PIBF1: variants seen among roughly 807,000 people sequenced by gnomAD.
PIBF1 encodes the protein progesterone immunomodulatory binding factor 1.
PIBF1 carries 90 observed loss-of-function variants against 112.5 expected under a neutral mutation model. That is an observed-to-expected ratio of 0.80 (90% confidence interval 0.67 to 0.95). The LOEUF is 0.95. Among genes scored for constraint, PIBF1 ranks in the 40% least tolerant of loss-of-function variants. PIBF1 has a pLI of 0.00. For missense variants in PIBF1, 915 were observed against 852.3 expected, an observed-to-expected ratio of 1.07 and a Z score of -0.92; for synonymous variants, 301 against 288.6, an observed-to-expected ratio of 1.04 and a Z score of -0.44.
At chr13:72,785,497 A>G (rs1383136829) in intron 2 of PIBF1, among the ~76,000 whole-genome samples, 1 of 152,238 alleles carries the variant, frequency 6.6e-6, no homozygotes, top group African/African-American at 2.4e-5. Flanking sequence ...CATTCAGATG[A>G]AAGTGATAGA....
chr13:72,855,395 G>C (rs17089806), intron 10 of PIBF1, among the ~76,000 whole-genome samples: 1 of 151,802 alleles, frequency 6.6e-6, no homozygotes, highest in Non-Finnish European at 1.5e-5. Context: ...TCATGCTATC[G>C]GGCTAGGCAC....
At chr13:72,820,580 G>A (rs2036507461) in intron 5 of PIBF1, among the ~76,000 whole-genome samples, 1 of 152,124 alleles carries the variant, frequency 6.6e-6, no homozygotes, top group Admixed American at 6.6e-5. Flanking sequence ...GAAATTTGGG[G>A]ACTAAAATAA....
chr13:72,992,456 T>G (rs2139006670), intron 16 of PIBF1, among the ~76,000 whole-genome samples: 1 of 152,318 alleles, frequency 6.6e-6, no homozygotes, highest in South Asian at 2.1e-4. Context: ...CCTTTCTGCC[T>G]GAGAACCTTA....
At chr13:72,783,400 A>T in intron 1 of PIBF1, 23 bp from the exon 2 acceptor site, 2 of 1,026,154 alleles carry the variant, frequency 1.9e-6, no homozygotes, top group Non-Finnish European at 2.9e-6. Flanking sequence ...AGTACATTTG[A>T]ATTAATGTTT....
At chr13:72,991,604 G>T (rs182636639) in intron 16 of PIBF1, among the ~76,000 whole-genome samples, 1 of 152,182 alleles carries the variant, frequency 6.6e-6, no homozygotes, top group Non-Finnish European at 1.5e-5. Flanking sequence ...AAACGTTTCA[G>T]CTGGCCAGAT....
In PIBF1 at chr13:72,894,231, G is replaced by A. The variant is rs548965468; in HGVS notation, c.1488+282G>A. Among the ~76,000 whole-genome samples, 4 of 152,052 alleles carry A rather than the reference G, an allele frequency of 2.6e-5. No individual in the cohort carries two copies. The South Asian group carries it at 8.3e-4, about 32-fold the overall frequency. On this transcript the variant is annotated intron_variant, in intron 11 of 17. Transcript: ENST00000326291. ...AATAAGAACAGTGCAGAATGTATAC[G>A]AAGAAAACTATAGAACTTCACTGAC...
rs145486607 is a variant in PIBF1, at chr13:72,869,149, A to G, written c.1322+14994A>G. On this transcript the variant is annotated intron_variant, in intron 10 of 17. Transcript: ENST00000326291. ...CCAAAGGACTATAATTCATGCTGCTATAAAGACACATGCACACGTATGTTT... is the reference window on the plus strand; with the variant it reads ...CCAAAGGACTATAATTCATGCTGCTGTAAAGACACATGCACACGTATGTTT... 1.2e-3 allele frequency among the ~76,000 whole-genome samples: 189 copies of G among 152,288 alleles called. 8 individuals carry two copies. In the East Asian group the frequency reaches 0.03, roughly 24 times the overall value.
chr13:72,797,807 A>G (rs1273073584), intron 4 of PIBF1, 100 bp from the exon 5 acceptor site: 2 of 859,496 alleles, frequency 2.3e-6, no homozygotes, highest in East Asian at 5.5e-5. Flanking sequence ...GTAGTTTTGT[A>G]AATATTTATC....
chr13:72,858,114 C>T (rs890708250), intron 10 of PIBF1, among the ~76,000 whole-genome samples: 14 of 151,634 alleles, frequency 9.2e-5, no homozygotes, highest in African/African-American at 3.4e-4. Context: ...TGCAGTGGCA[C>T]AATCTCTGCT....
chr13:72,805,917 A>G (rs2035707107), intron 5 of PIBF1, among the ~76,000 whole-genome samples: 1 of 152,224 alleles, frequency 6.6e-6, no homozygotes, highest in African/African-American at 2.4e-5. Flanking sequence ...CTTATGGGGG[A>G]AGGTCAACAG....
intron 14 of PIBF1, among the ~76,000 whole-genome samples, chr13:72,932,559 A>T (rs569329412): frequency 3.8e-4 from 58 of 152,252 alleles, no homozygotes; most frequent in African/African-American, 1.2e-3. Context: ...GATTTGTAAC[A>T]TTGGCTTGTA....
intron 16 of PIBF1, among the ~76,000 whole-genome samples, chr13:72,986,473 A>G (rs2138985067): frequency 6.6e-6 from 1 of 152,252 alleles, no homozygotes; most frequent in East Asian, 1.9e-4. Context: ...GTGTGTTAAT[A>G]ATAGCTTCTT....
chr13:72,927,634 G>A (rs1256582074), intron 13 of PIBF1, among the ~76,000 whole-genome samples: 1 of 152,042 alleles, frequency 6.6e-6, no homozygotes, highest in East Asian at 1.9e-4. Context: ...TGATCTGCCT[G>A]CCTTGGCCTA....
chr13:72,935,184 C>G (rs972953657), intron 14 of PIBF1, among the ~76,000 whole-genome samples: 2 of 152,120 alleles, frequency 1.3e-5, no homozygotes, highest in African/African-American at 4.8e-5. Context: ...CGGGGTTTCA[C>G]TATGTTGGCC....
At chr13:72,964,637 AAG>A (rs1298547812) in intron 14 of PIBF1, among the ~76,000 whole-genome samples, 6 of 152,232 alleles carry the variant, frequency 3.9e-5, no homozygotes, top group Admixed American at 3.3e-4. Context: ...GCTGAAATAA[AAG>A]AGTTTAACTT....
intron 15 of PIBF1, among the ~76,000 whole-genome samples, chr13:72,971,568 G>A (rs2138935067): frequency 6.6e-6 from 1 of 152,100 alleles, no homozygotes; most frequent in Admixed American, 6.5e-5. Context: ...ACCTTTATTG[G>A]CATTTAATTA....
At chr13:72,947,015 G>A (rs568090174) in intron 14 of PIBF1, among the ~76,000 whole-genome samples, 1 of 152,294 alleles carries the variant, frequency 6.6e-6, no homozygotes, top group African/African-American at 2.4e-5. Context: ...GACTTTTTGT[G>A]GGTGCTCCAA....
chr13:72,828,734 A>G (rs1340816844), intron 8 of PIBF1, among the ~76,000 whole-genome samples: 2 of 152,216 alleles, frequency 1.3e-5, no homozygotes, highest in Admixed American at 1.3e-4. Flanking sequence ...ACAGTGCTGC[A>G]GTAAACATAC....
intron 14 of PIBF1, among the ~76,000 whole-genome samples, chr13:72,959,807 C>T (rs1246571701): frequency 6.6e-6 from 1 of 152,104 alleles, no homozygotes; most frequent in Non-Finnish European, 1.5e-5. Context: ...AATAACACTT[C>T]TGTAAAATGT....
Sources: allele counts gnomAD v4.1 joint callset (sites outside exome capture counted in the v4.1 genomes callset), GRCh38; gene constraint gnomAD v4.1.1; transcripts MANE v1.5; gene names NCBI Gene and HGNC (gene_info 2026-07-23, HGNC 2026-07-21).